GRM8: variants seen among roughly 807,000 people sequenced by gnomAD.
GRM8 encodes metabotropic glutamate receptor 8.
Under a neutral mutation model 87.2 loss-of-function variants are expected in GRM8, and 47 were observed. The ratio of observed to expected loss-of-function variants is 0.54; its 90% CI spans 0.43 to 0.69. GRM8 has a LOEUF of 0.69. GRM8 is among the 30% of genes least tolerant of loss of function. The pLI is 0.00. For missense variants in GRM8, 1,019 were observed against 1,139.2 expected, an observed-to-expected ratio of 0.89 and a Z score of 1.52; for synonymous variants, 396 against 404.5, an observed-to-expected ratio of 0.98 and a Z score of 0.25.
intron 3 of GRM8, among the ~76,000 whole-genome samples, chr7:126,915,306 A>G (rs1803774180): frequency 6.6e-6 from 1 of 152,194 alleles, no homozygotes; most frequent in Non-Finnish European, 1.5e-5. Context: ...TTGTGAAGAG[A>G]TTCAATCGAC....
At chr7:127,134,760 T>C (rs983199636) in intron 2 of GRM8, among the ~76,000 whole-genome samples, 2 of 152,138 alleles carry the variant, frequency 1.3e-5, no homozygotes, top group African/African-American at 2.4e-5. Context: ...GATCTTAACA[T>C]AAAATGTAGG....
At chr7:126,514,010 C>T (rs1163256496) in intron 9 of GRM8, among the ~76,000 whole-genome samples, 4 of 152,126 alleles carry the variant, frequency 2.6e-5, no homozygotes, top group Admixed American at 6.6e-5. Flanking sequence ...GAGTCAGCCT[C>T]ATTTGTGCAA....
chr7:127,079,127 C>G (rs1381616195), intron 3 of GRM8, among the ~76,000 whole-genome samples: 1 of 150,070 alleles, frequency 6.7e-6, no homozygotes. Context: ...TTTTTTCTTT[C>G]TTTCTTTTTC....
At chr7:126,536,082 G>A (rs778054097) in intron 8 of GRM8, among the ~76,000 whole-genome samples, 1 of 152,224 alleles carries the variant, frequency 6.6e-6, no homozygotes, top group African/African-American at 2.4e-5. Context: ...GAAAATGAAT[G>A]CAGCTCAAAT....
At chr7:126,635,310 A>G (rs1042133360) in intron 7 of GRM8, among the ~76,000 whole-genome samples, 1 of 152,190 alleles carries the variant, frequency 6.6e-6, no homozygotes, top group Admixed American at 6.5e-5. Flanking sequence ...TTAATGCCTT[A>G]TAGCTATTTA....
At chr7:126,837,206 A>G (rs2237770) in intron 6 of GRM8, among the ~76,000 whole-genome samples, 1,832 of 152,316 alleles carry the variant, frequency 0.012, 43 homozygotes, top group East Asian at 0.068. Flanking sequence ...AATATTATAG[A>G]CAATGAATAA....
chr7:126,489,041 A>T (rs984286404), intron 9 of GRM8, among the ~76,000 whole-genome samples: 5 of 151,920 alleles, frequency 3.3e-5, no homozygotes, highest in Admixed American at 2.0e-4. Flanking sequence ...CAAATATGAC[A>T]ATGCAGCCAT....
At chr7:126,634,569 C>G (rs78943796) in intron 7 of GRM8, among the ~76,000 whole-genome samples, 7,995 of 152,204 alleles carry the variant, frequency 0.053, 276 homozygotes, top group Non-Finnish European at 0.081. Context: ...TGGCTGCAAG[C>G]TCAAAATTGG....
chr7:126,941,624 A>AC (rs956847256), intron 3 of GRM8, among the ~76,000 whole-genome samples: 9 of 152,020 alleles, frequency 5.9e-5, no homozygotes, highest in African/African-American at 1.9e-4. Flanking sequence ...TGTCTCAAAA[A>AC]AAAAAAAAAG....
intron 6 of GRM8, among the ~76,000 whole-genome samples, chr7:126,787,409 C>T (rs984104368): frequency 6.6e-6 from 1 of 152,120 alleles, no homozygotes; most frequent in African/African-American, 2.4e-5. Flanking sequence ...GTAGCAAAGG[C>T]CTACTTTCCT....
intron 6 of GRM8, among the ~76,000 whole-genome samples, chr7:126,885,022 C>T (rs1158480957): frequency 6.6e-6 from 1 of 152,190 alleles, no homozygotes; most frequent in Non-Finnish European, 1.5e-5. Context: ...ATCCCAAAGT[C>T]CTGTCCTGTG....
At chr7:126,957,442 A>AGGTG (rs1808833303) in intron 3 of GRM8, among the ~76,000 whole-genome samples, 1 of 152,160 alleles carries the variant, frequency 6.6e-6, no homozygotes, top group African/African-American at 2.4e-5. Flanking sequence ...GCAGCCACCC[A>AGGTG]GCTGCAGCTC....
At chr7:126,794,684 T>C (rs1047366738) in intron 6 of GRM8, among the ~76,000 whole-genome samples, 1 of 152,188 alleles carries the variant, frequency 6.6e-6, no homozygotes, top group African/African-American at 2.4e-5. Context: ...TAGCAGTGCT[T>C]GTTAATATGC....
intron 6 of GRM8, among the ~76,000 whole-genome samples, chr7:126,810,261 C>G (rs1326184888): frequency 1.3e-5 from 2 of 152,122 alleles, no homozygotes; most frequent in Non-Finnish European, 1.5e-5. Flanking sequence ...AAAACATGAA[C>G]AGGGCTTCTG....
Position 126,867,350 on chromosome 7 carries a change from C to T in GRM8, c.1156+35192G>A, listed in dbSNP as rs775034570. Among the ~76,000 whole-genome samples, 3 of 152,160 alleles carry T rather than the reference C, an allele frequency of 2.0e-5. No individual in the cohort carries two copies. In the East Asian group the frequency reaches 5.8e-4, roughly 29 times the overall value. ...GATGCAGCCTTGTTCCAAACATTCG[C>T]TGTTGTGATTTACAAGAAAAGAAAA... On this transcript the variant is annotated intron_variant, in intron 6 of 10. Transcript: ENST00000339582.
At chr7:127,156,519 A>G (rs986105343) in intron 2 of GRM8, among the ~76,000 whole-genome samples, 1 of 152,194 alleles carries the variant, frequency 6.6e-6, no homozygotes, top group African/African-American at 2.4e-5. Flanking sequence ...GCTAACCTCA[A>G]GTACAGGCTT....
At chr7:126,973,774 C>T (rs149396734) in intron 3 of GRM8, among the ~76,000 whole-genome samples, 1 of 152,058 alleles carries the variant, frequency 6.6e-6, no homozygotes, top group African/African-American at 2.4e-5. Flanking sequence ...GAAATTAACC[C>T]ATGATTATTC....
At chr7:127,110,636 A>G (rs1390658708) in intron 2 of GRM8, among the ~76,000 whole-genome samples, 1 of 152,070 alleles carries the variant, frequency 6.6e-6, no homozygotes, top group African/African-American at 2.4e-5. Context: ...ATTGTTTTGG[A>G]TTCCACTTTT....
intron 7 of GRM8, among the ~76,000 whole-genome samples, chr7:126,753,364 G>C (rs925330536): frequency 2.7e-5 from 4 of 150,256 alleles, no homozygotes; most frequent in African/African-American, 9.8e-5. Flanking sequence ...GCTAATGACA[G>C]AATATACGCA....
Sources: gnomAD v4.1 joint callset for allele counts (sites outside exome capture counted in the v4.1 genomes callset) on GRCh38, gnomAD v4.1.1 for gene constraint, MANE v1.5 for transcripts, NCBI Gene and HGNC (gene_info 2026-07-23, HGNC 2026-07-21) for gene names.